MEI4: variants seen among roughly 807,000 people sequenced by gnomAD.
MEI4 encodes the protein meiotic double-stranded break formation protein 4.
A neutral mutation model predicts 31.4 loss-of-function variants in MEI4; 27 were observed. That is an observed-to-expected ratio of 0.86 (90% CI 0.63 to 1.19). MEI4 has a LOEUF of 1.19. Ranked by LOEUF, MEI4 falls within the 50% of genes most tolerant of loss-of-function variation. The pLI is 0.00. For missense variants in MEI4, 329 were observed against 398.9 expected (o/e 0.82, Z 1.49); for synonymous variants, 122 against 145.4 (o/e 0.84, Z 1.16).
chr6:77,854,192 G>A lies in MEI4; in HGVS notation c.900+25130G>A, dbSNP rs146341686. On this transcript the variant is annotated intron_variant, in intron 4 of 4. Coordinates refer to ENST00000684080, the MANE Select transcript of MEI4 (RefSeq NM_001322247.2). ...GAGAAATTTACTCTATTCATGACTCGCTATTAATTTTACTGCTTATATCTA... is the reference window on the plus strand; with the variant it reads ...GAGAAATTTACTCTATTCATGACTCACTATTAATTTTACTGCTTATATCTA... Among the ~76,000 whole-genome samples, 255 of 151,926 alleles carry A rather than the reference G, an allele frequency of 1.7e-3. 1 individual carries two copies. Among genetic ancestry groups the A allele is most frequent in the Middle Eastern group, 7.1e-3 (2 of 282 alleles).
In MEI4 at chr6:77,745,250, G is replaced by T. The variant is rs538252651; in HGVS notation, c.233-15880G>T. Among the ~76,000 whole-genome samples, 10 of 152,212 alleles carry T rather than the reference G, an allele frequency of 6.6e-5. No individual in the cohort carries two copies. The South Asian group carries it at 1.5e-3, about 22-fold the overall frequency. ...ATCTCACGTGCAGAGACACACATAGGCTCAAAATAAAAGGATGGAGGAAGA... is the reference window on the plus strand; with the variant it reads ...ATCTCACGTGCAGAGACACACATAGTCTCAAAATAAAAGGATGGAGGAAGA... On this transcript the variant is annotated intron_variant, in intron 2 of 4. Coordinates refer to ENST00000684080, the MANE Select transcript of MEI4 (RefSeq NM_001322247.2).
chr6:77,786,392 C>T (rs1044037577), intron 3 of MEI4, among the ~76,000 whole-genome samples: 2 of 151,934 alleles, frequency 1.3e-5, no homozygotes, highest in African/African-American at 4.8e-5. Flanking sequence ...TTAATAATTT[C>T]CTTTAAAGGA....
chr6:77,758,548 C>T (rs1171291540), intron 2 of MEI4, among the ~76,000 whole-genome samples: 2 of 152,170 alleles, frequency 1.3e-5, no homozygotes, highest in Non-Finnish European at 2.9e-5. Flanking sequence ...CTTTCTCAAA[C>T]TTTAAGAAAA....
At chr6:77,747,970 G>T (rs1357501331) in intron 2 of MEI4, among the ~76,000 whole-genome samples, 5 of 152,202 alleles carry the variant, frequency 3.3e-5, no homozygotes, top group Non-Finnish European at 7.3e-5. Flanking sequence ...AATCCAGTGG[G>T]GTAGTCAAAT....
At chr6:77,695,039 C>T (rs1387296088) in intron 2 of MEI4, among the ~76,000 whole-genome samples, 2 of 152,048 alleles carry the variant, frequency 1.3e-5, no homozygotes, top group Admixed American at 1.3e-4. Flanking sequence ...TTTCATATGT[C>T]TTTTGGCTGC....
chr6:77,888,671 GC>G (rs555597541), intron 4 of MEI4, among the ~76,000 whole-genome samples: 20 of 152,092 alleles, frequency 1.3e-4, no homozygotes, highest in Admixed American at 1.2e-3. Context: ...TTCTCTTCTG[GC>G]CTTTAAGGTT....
intron 2 of MEI4, among the ~76,000 whole-genome samples, chr6:77,694,556 T>A (rs1183171747): frequency 6.6e-6 from 1 of 152,118 alleles, no homozygotes; most frequent in East Asian, 1.9e-4. Flanking sequence ...AATGATGGTT[T>A]CCAATTTTAT....
At chr6:77,728,975 GT>G (rs1561960822) in intron 2 of MEI4, among the ~76,000 whole-genome samples, 1 of 152,196 alleles carries the variant, frequency 6.6e-6, no homozygotes, top group African/African-American at 2.4e-5. Context: ...GGTGATAATG[GT>G]TTAGCATAAG....
At chr6:77,756,505 A>ATAG (rs1561976799) in intron 2 of MEI4, among the ~76,000 whole-genome samples, 1 of 152,032 alleles carries the variant, frequency 6.6e-6, no homozygotes, top group Non-Finnish European at 1.5e-5. Context: ...AAAGTTATTA[A>ATAG]TAGTAGATGC....
chr6:77,741,713 C>T (rs901353689), intron 2 of MEI4, among the ~76,000 whole-genome samples: 2 of 151,176 alleles, frequency 1.3e-5, no homozygotes, highest in African/African-American at 2.4e-5. Context: ...TGGTGTGCTG[C>T]ACCCATTAAC....
intron 2 of MEI4, among the ~76,000 whole-genome samples, chr6:77,740,034 T>G (rs1767358513): frequency 1.3e-5 from 2 of 152,224 alleles, no homozygotes; most frequent in South Asian, 4.1e-4. Flanking sequence ...AATTTATTGA[T>G]TTCTACCTTA....
At chr6:77,902,514 A>G (rs1015238513) in intron 4 of MEI4, among the ~76,000 whole-genome samples, 2 of 152,018 alleles carry the variant, frequency 1.3e-5, no homozygotes, top group African/African-American at 2.4e-5. Context: ...GTTCATTGTT[A>G]GTGTATAGAA....
intron 4 of MEI4, among the ~76,000 whole-genome samples, chr6:77,875,679 A>T (rs1002271621): frequency 1.3e-5 from 2 of 152,214 alleles, no homozygotes; most frequent in Non-Finnish European, 2.9e-5. Context: ...TACTAAATAA[A>T]TATCTTAATA....
intron 2 of MEI4, among the ~76,000 whole-genome samples, chr6:77,703,793 T>C (rs914580715): frequency 3.9e-5 from 6 of 152,112 alleles, no homozygotes; most frequent in African/African-American, 1.4e-4. Context: ...CATTATCAAA[T>C]TGAAAAGGAA....
At chr6:77,836,894 C>CT (rs918088199) in intron 4 of MEI4, among the ~76,000 whole-genome samples, 34 of 152,038 alleles carry the variant, frequency 2.2e-4, no homozygotes, top group African/African-American at 6.8e-4. Flanking sequence ...TGGGCATGAA[C>CT]TTTTTTTATT....
chr6:77,917,282 A>C (rs1766582801), intron 4 of MEI4, among the ~76,000 whole-genome samples: 1 of 150,646 alleles, frequency 6.6e-6, no homozygotes, highest in African/African-American at 2.4e-5. Flanking sequence ...TTGGGTATAT[A>C]CCCAGTAATG....
At position 77,768,972 on chromosome 6, in the gene MEI4, C is replaced by G. The variant is rs1051281441; in HGVS notation, c.768+7307C>G. Among the ~76,000 whole-genome samples the G allele has an allele frequency of 3.3e-5, 5 of 152,204 alleles. No individual in the cohort carries two copies. The East Asian group carries it at 5.8e-4, about 18-fold the overall frequency. On this transcript the variant is annotated intron_variant, in intron 3 of 4. Transcript: ENST00000684080. Reference sequence around the variant, plus strand: ...CAAGCCTCTAGGAATTGCTGTACCCCCTTTGCCTCCACAGGAAGACTAAAT... The same window carrying G: ...CAAGCCTCTAGGAATTGCTGTACCCGCTTTGCCTCCACAGGAAGACTAAAT...
intron 4 of MEI4, among the ~76,000 whole-genome samples, chr6:77,918,809 AATAGG>A (rs1202510341): frequency 6.6e-6 from 1 of 151,932 alleles, no homozygotes; most frequent in Non-Finnish European, 1.5e-5. Context: ...TACTATGTTG[AATAGG>A]AGTGGTGAGA....
intron 2 of MEI4, among the ~76,000 whole-genome samples, chr6:77,698,964 T>A (rs981703608): frequency 6.6e-6 from 1 of 152,040 alleles, no homozygotes; most frequent in Non-Finnish European, 1.5e-5. Context: ...GCTTTGTTCG[T>A]TTCTTTTTAT....
Sources: allele counts gnomAD v4.1 joint callset (sites outside exome capture counted in the v4.1 genomes callset), GRCh38; gene constraint gnomAD v4.1.1; transcripts MANE v1.5; gene names NCBI Gene and HGNC (gene_info 2026-07-23, HGNC 2026-07-21).